EYS: variants seen among roughly 807,000 people sequenced by gnomAD.
EYS encodes EGF-like photoreceptor maintenance factor.
In EYS, 250 loss-of-function variants were observed where a neutral mutation model predicts 282.1. The ratio of observed to expected loss-of-function variants is 0.89; its 90% CI spans 0.80 to 0.98. The LOEUF (loss-of-function observed/expected upper bound fraction) is 0.98. Ranked by LOEUF, EYS falls within the 50% of genes least tolerant of loss-of-function variation. The pLI is 0.00. For missense variants in EYS, 4,016 were observed against 3,709.0 expected (o/e 1.08, Z -2.15); for synonymous variants, 1,355 against 1,282.9 (o/e 1.06, Z -1.20).
At position 65,292,322 on chromosome 6, in the gene EYS, T is replaced by C. The variant is rs1582107965; in HGVS notation, c.2023+3541A>G. ...TATAAATTTGTTTTCTGTAAAACTATCCATGAGGTCTTAACAGAATTGGTG... is the reference window on the plus strand; with the variant it reads ...TATAAATTTGTTTTCTGTAAAACTACCCATGAGGTCTTAACAGAATTGGTG... On this transcript the variant is annotated intron_variant, in intron 12 of 42. Transcript: ENST00000503581. Among the ~76,000 whole-genome samples the C allele has an allele frequency of 2.0e-5, 3 of 151,812 alleles. No homozygotes were observed. The East Asian group carries it at 5.8e-4, about 29-fold the overall frequency.
At chr6:63,986,490 C>T (rs1005840381) in intron 34 of EYS, among the ~76,000 whole-genome samples, 3 of 151,764 alleles carry the variant, frequency 2.0e-5, no homozygotes, top group African/African-American at 4.8e-5. Flanking sequence ...CATTTCAGCA[C>T]TATTCATAAT....
intron 19 of EYS, among the ~76,000 whole-genome samples, chr6:64,863,986 A>T (rs990374318): frequency 2.0e-5 from 3 of 152,176 alleles, no homozygotes; most frequent in African/African-American, 7.2e-5. Flanking sequence ...CATTTTGGAA[A>T]CTAGCTTAGA....
chr6:63,759,711 A>G (rs1214757358), intron 41 of EYS, among the ~76,000 whole-genome samples: 1 of 152,098 alleles, frequency 6.6e-6, no homozygotes, highest in Non-Finnish European at 1.5e-5. Context: ...AAGCATGTGC[A>G]TTGCTTGCTG....
chr6:64,465,443 T>C (rs555294744), intron 26 of EYS, among the ~76,000 whole-genome samples: 1 of 151,654 alleles, frequency 6.6e-6, no homozygotes, highest in Admixed American at 6.6e-5. Context: ...GAACAGAGAG[T>C]CCAGAAACAA....
rs1472398184 is a variant in EYS, at chr6:65,086,832, G to T, written c.2024-29105C>A. On this transcript the variant is annotated intron_variant, in intron 12 of 42. Coordinates refer to ENST00000503581, the MANE Select transcript of EYS (RefSeq NM_001142800.2). ...AACATTTGTAAATATGTATATGTGG[G>T]TTTTTTTTTTTTAACGGAGTCTTGC... Among the ~76,000 whole-genome samples, 9 of 145,040 alleles carry T rather than the reference G, an allele frequency of 6.2e-5. 1 individual carries two copies. Among genetic ancestry groups the T allele is most frequent in the Admixed American group, 2.1e-4 (3 of 14,498 alleles).
chr6:63,790,188 A>G (rs984034407), intron 37 of EYS, among the ~76,000 whole-genome samples: 1 of 152,200 alleles, frequency 6.6e-6, no homozygotes, highest in African/African-American at 2.4e-5. Context: ...AAAATTTATT[A>G]TGAGTATGCA....
chr6:65,532,418 G>T (rs1208616033), intron 2 of EYS, among the ~76,000 whole-genome samples: 2 of 151,908 alleles, frequency 1.3e-5, no homozygotes, highest in Non-Finnish European at 2.9e-5. Flanking sequence ...TTCTGCCATG[G>T]GCTGGTGAAT....
At chr6:65,188,105 G>A (rs1436400434) in intron 12 of EYS, among the ~76,000 whole-genome samples, 1 of 151,324 alleles carries the variant, frequency 6.6e-6, no homozygotes, top group Non-Finnish European at 1.5e-5. Flanking sequence ...CATAGTGAAA[G>A]GTTAATAAAG....
rs191955025 is a variant in EYS, at chr6:65,385,128, C to T, written c.1185-628G>A. On this transcript the variant is annotated intron_variant, in intron 7 of 42. Transcript: ENST00000503581. ...TAATTTGTAGGAAACAGTCCTGTGCCTTAAATCATATTTAGTAAACTTTCT... is the reference window on the plus strand; with the variant it reads ...TAATTTGTAGGAAACAGTCCTGTGCTTTAAATCATATTTAGTAAACTTTCT... 4.8e-4 allele frequency among the ~76,000 whole-genome samples: 73 copies of T among 151,960 alleles called. 1 individual carries two copies. The South Asian group carries it at 1.0e-2, about 21-fold the overall frequency.
intron 14 of EYS, among the ~76,000 whole-genome samples, chr6:64,991,940 G>A (rs906915121): frequency 1.3e-5 from 2 of 151,662 alleles, no homozygotes; most frequent in Admixed American, 1.3e-4. Flanking sequence ...GAATATCACA[G>A]GAATTTAGAG....
intron 31 of EYS, among the ~76,000 whole-genome samples, chr6:64,093,454 T>G (rs1772450557): frequency 6.6e-6 from 1 of 152,198 alleles, no homozygotes; most frequent in Non-Finnish European, 1.5e-5. Context: ...TAGTTCTCCT[T>G]GAAGAGGTCC....
intron 26 of EYS, among the ~76,000 whole-genome samples, chr6:64,482,770 A>C (rs2150500507): frequency 6.6e-6 from 1 of 151,888 alleles, no homozygotes; most frequent in South Asian, 2.1e-4. Flanking sequence ...GGTGGGAACT[A>C]ACATCTTACA....
intron 22 of EYS, among the ~76,000 whole-genome samples, chr6:64,660,086 A>G (rs546915946): frequency 6.6e-6 from 1 of 152,264 alleles, no homozygotes; most frequent in East Asian, 1.9e-4. Context: ...TTCAACATAC[A>G]CAAATCAATA....
At position 64,508,518 on chromosome 6, in the gene EYS, G is replaced by A. The variant is rs767014141; in HGVS notation, c.5645-69166C>T. Among the ~76,000 whole-genome samples the A allele has an allele frequency of 2.5e-4, 37 of 150,114 alleles. 1 individual carries two copies. The highest frequency in any genetic ancestry group is 5.3e-4 in the Admixed American group (8 of 15,068). Reference sequence around the variant, plus strand: ...ATATGACTAAGGAGAAATGATATCCGCATGCCTGGCATGAGTTCTGCTTTT... The same window carrying A: ...ATATGACTAAGGAGAAATGATATCCACATGCCTGGCATGAGTTCTGCTTTT... On this transcript the variant is annotated intron_variant, in intron 26 of 42. Transcript: ENST00000503581.
At chr6:64,744,343 A>G (rs1250155863) in intron 22 of EYS, among the ~76,000 whole-genome samples, 2 of 152,138 alleles carry the variant, frequency 1.3e-5, no homozygotes, top group African/African-American at 4.8e-5. Context: ...TGAGAAACAG[A>G]TGCTGCTTGT....
chr6:65,049,796 G>A (rs893759733), intron 13 of EYS, among the ~76,000 whole-genome samples: 15 of 151,628 alleles, frequency 9.9e-5, no homozygotes, highest in African/African-American at 2.2e-4. Flanking sequence ...AGTATAAAAC[G>A]TACGGTATAG....
intron 33 of EYS, among the ~76,000 whole-genome samples, chr6:64,002,163 A>G (rs780733046): frequency 1.3e-5 from 2 of 152,166 alleles, no homozygotes; most frequent in Non-Finnish European, 2.9e-5. Flanking sequence ...CTGGATGCCA[A>G]GGGGAGTTTG....
chr6:64,647,487 TA>T (rs1177246988), intron 22 of EYS, among the ~76,000 whole-genome samples: 4 of 152,200 alleles, frequency 2.6e-5, no homozygotes, highest in Non-Finnish European at 5.9e-5. Context: ...AACAACTTTA[TA>T]AACTATTAAA....
chr6:63,904,489 A>C (rs955617785), intron 35 of EYS, among the ~76,000 whole-genome samples: 6 of 152,212 alleles, frequency 3.9e-5, no homozygotes, highest in Non-Finnish European at 5.9e-5. Context: ...CTGGGAAAGC[A>C]GTGTCAGGCC....
Sources: gnomAD v4.1 joint callset for allele counts (sites outside exome capture counted in the v4.1 genomes callset) on GRCh38, gnomAD v4.1.1 for gene constraint, MANE v1.5 for transcripts, NCBI Gene and HGNC (gene_info 2026-07-23, HGNC 2026-07-21) for gene names.